Variants in NCKAP5 observed in about 807,000 individuals in gnomAD.
NCKAP5 encodes the protein nck-associated protein 5.
Under a neutral mutation model 167.0 loss-of-function variants are expected in NCKAP5, and 92 were observed. The ratio of observed to expected loss-of-function variants is 0.55; its 90% CI spans 0.47 to 0.66. The LOEUF is 0.66. NCKAP5 is among the 30% of genes least tolerant of loss of function. The pLI is 0.00. For missense variants in NCKAP5, 2,378 were observed against 2,315.0 expected (o/e 1.03, Z -0.56); for synonymous variants, 891 against 877.4 (o/e 1.02, Z -0.27).
chr2:133,424,005 G>A lies in NCKAP5; in HGVS notation c.69+93453C>T, dbSNP rs562412805. ...ATTCATCCAAGTTAGAAAGCAACTG[G>A]TATTGTGCACTCATCATGGCAGAAA... On this transcript the variant is annotated intron_variant, in intron 3 of 19. Coordinates refer to ENST00000409261, the MANE Select transcript of NCKAP5 (RefSeq NM_207363.3). 3.3e-4 allele frequency among the ~76,000 whole-genome samples: 50 copies of A among 152,262 alleles called. 1 individual carries two copies. The South Asian group carries it at 9.7e-3, about 30-fold the overall frequency.
At chr2:132,887,569 C>T (rs1051517530) in intron 8 of NCKAP5, among the ~76,000 whole-genome samples, 1 of 152,174 alleles carries the variant, frequency 6.6e-6, no homozygotes, top group Non-Finnish European at 1.5e-5. Context: ...TCTCAAGAGT[C>T]GGGCTCATCT....
At chr2:133,384,997 G>T (rs1402971069) in intron 3 of NCKAP5, among the ~76,000 whole-genome samples, 8 of 152,114 alleles carry the variant, frequency 5.3e-5, no homozygotes, top group African/African-American at 7.2e-5. Context: ...TGCAAACAGG[G>T]ACAATTTGAC....
intron 6 of NCKAP5, among the ~76,000 whole-genome samples, chr2:133,115,822 T>TCACACACAGACA (rs2082062300): frequency 8.1e-6 from 1 of 122,934 alleles, no homozygotes; most frequent in African/African-American, 2.9e-5. Flanking sequence ...TATATAGTGT[T>TCACACACAGACA]CACACACACA....
At chr2:132,793,992 A>ACTTGAACT (rs1574240328) in intron 12 of NCKAP5, among the ~76,000 whole-genome samples, 1 of 151,700 alleles carries the variant, frequency 6.6e-6, no homozygotes, top group East Asian at 1.9e-4. Flanking sequence ...GTGGTTGAGC[A>ACTTGAACT]CTTGAACTCC....
chr2:133,080,752 A>G (rs2080775102), intron 6 of NCKAP5, among the ~76,000 whole-genome samples: 1 of 152,178 alleles, frequency 6.6e-6, no homozygotes, highest in African/African-American at 2.4e-5. Context: ...ATAATTGTGG[A>G]GTAAAGCAAA....
chr2:133,253,145 C>T (rs111870141), intron 4 of NCKAP5, among the ~76,000 whole-genome samples: 164 of 152,346 alleles, frequency 1.1e-3, no homozygotes, highest in African/African-American at 3.8e-3. Context: ...AACTTTTCCA[C>T]TCAACGATGC....
chr2:132,732,086 G>A, intron 16 of NCKAP5, 35 bp from the exon 17 acceptor site: 1 of 1,553,424 alleles, frequency 6.4e-7, no homozygotes, highest in Non-Finnish European at 8.7e-7. Flanking sequence ...AGGGAATAGA[G>A]AAGGCTCACA....
chr2:133,347,282 G>A (rs1021140395), intron 3 of NCKAP5, among the ~76,000 whole-genome samples: 6 of 152,046 alleles, frequency 3.9e-5, no homozygotes, highest in Non-Finnish European at 5.9e-5. Flanking sequence ...AGCCGGGCAC[G>A]GTGGCTCACA....
intron 5 of NCKAP5, among the ~76,000 whole-genome samples, chr2:133,191,211 A>AC (rs1430451828): frequency 6.6e-6 from 1 of 152,210 alleles, no homozygotes; most frequent in East Asian, 1.9e-4. Flanking sequence ...TGCAAATCAA[A>AC]ACCACAAAGA....
rs371823079 is a variant in NCKAP5 at position 133,513,453 on chromosome 2, C to T, written c.69+4005G>A. On this transcript the variant is annotated intron_variant, in intron 3 of 19. Coordinates refer to ENST00000409261, the MANE Select transcript of NCKAP5 (RefSeq NM_207363.3). ...CCAACCAGATGCCAAAAGGCAAGTC[C>T]ATGTGGTGCATCCTCCAGGGATGAT... Among the ~76,000 whole-genome samples the T allele has an allele frequency of 5.3e-5, 8 of 152,192 alleles. No individual in the cohort carries two copies. In the East Asian group the frequency reaches 1.3e-3, roughly 26 times the overall value.
chr2:133,169,381 C>A (rs907885608), intron 5 of NCKAP5, among the ~76,000 whole-genome samples: 1 of 152,180 alleles, frequency 6.6e-6, no homozygotes, highest in African/African-American at 2.4e-5. Context: ...ACAGACAAAG[C>A]AGTGCATCTG....
chr2:133,182,168 A>T (rs77833798), intron 5 of NCKAP5, among the ~76,000 whole-genome samples: 1 of 152,334 alleles, frequency 6.6e-6, no homozygotes, highest in South Asian at 2.1e-4. Context: ...GTAGACTTCA[A>T]CACTCTTCTC....
At chr2:133,520,904 T>C (rs963492027) in intron 2 of NCKAP5, among the ~76,000 whole-genome samples, 27 of 152,214 alleles carry the variant, frequency 1.8e-4, no homozygotes, top group African/African-American at 6.3e-4. Flanking sequence ...GTTAGAGCAG[T>C]GTATCCTAGC....
chr2:133,416,091 C>T (rs554940582), intron 3 of NCKAP5, among the ~76,000 whole-genome samples: 3 of 152,320 alleles, frequency 2.0e-5, no homozygotes, highest in South Asian at 2.1e-4. Flanking sequence ...CTCTGATAAA[C>T]GTCAGGTCTC....
At chr2:132,874,048 T>G (rs991268259) in intron 9 of NCKAP5, among the ~76,000 whole-genome samples, 8 of 152,014 alleles carry the variant, frequency 5.3e-5, no homozygotes, top group African/African-American at 1.7e-4. Flanking sequence ...AAATGAGTAT[T>G]TTGAACATAT....
rs562945312 is a variant in NCKAP5, at chr2:133,036,033, G to T, written c.342-41794C>A. Among the ~76,000 whole-genome samples, 40 of 151,862 alleles carry T rather than the reference G, an allele frequency of 2.6e-4. No homozygotes were observed. The Middle Eastern group carries it at 0.014, about 52-fold the overall frequency. On this transcript the variant is annotated intron_variant, in intron 6 of 19. Transcript: ENST00000409261. The stretch of plus-strand genomic sequence containing the variant: ...GCACGAATTTAAAGGATTATTAGGG[G>T]CTACTATGAGCAACTATATGTCAAT...
rs751596922 is a variant in NCKAP5 at position 133,311,372 on chromosome 2, A to G, written c.70-8262T>C. ...GGACGAGGTATGGGAGAAGGGGTTC[A>G]GAACTTCCATGCTCTCTCCTGGCAC... On this transcript the variant is annotated intron_variant, in intron 3 of 19. Coordinates refer to ENST00000409261, the MANE Select transcript of NCKAP5 (RefSeq NM_207363.3). Among the ~76,000 whole-genome samples the G allele has an allele frequency of 6.5e-4, 99 of 152,254 alleles. 1 individual carries two copies. The highest frequency in any genetic ancestry group is 1.1e-3 in the Non-Finnish European group (78 of 68,042).
chr2:132,920,442 T>C (rs1269881484), intron 8 of NCKAP5, among the ~76,000 whole-genome samples: 1 of 151,344 alleles, frequency 6.6e-6, no homozygotes, highest in Non-Finnish European at 1.5e-5. Context: ...TGTAAAAAGT[T>C]AGGCAGAGAA....
Position 132,711,121 on chromosome 2 carries a change from C to T in NCKAP5, c.5713+14506G>A, listed in dbSNP as rs113498002. On this transcript the variant is annotated intron_variant, in intron 19 of 19. Transcript: ENST00000409261. Reference sequence around the variant, plus strand: ...CTCTGTCCTCATGTTGTTTAAATGTCCAGAAATATGGTAGTGTTCTACAAT... The same window carrying T: ...CTCTGTCCTCATGTTGTTTAAATGTTCAGAAATATGGTAGTGTTCTACAAT... Among the ~76,000 whole-genome samples, 1,146 of 152,232 alleles carry T rather than the reference C, an allele frequency of 7.5e-3. 10 individuals are homozygous for T. The highest frequency in any genetic ancestry group is 0.025 in the African/African-American group (1,049 of 41,538).
Sources: allele counts gnomAD v4.1 joint callset (sites outside exome capture counted in the v4.1 genomes callset), GRCh38; gene constraint gnomAD v4.1.1; transcripts MANE v1.5; gene names NCBI Gene and HGNC (gene_info 2026-07-23, HGNC 2026-07-21).